PTPRD: variants seen among roughly 807,000 people sequenced by gnomAD.
PTPRD encodes the protein receptor-type tyrosine-protein phosphatase delta.
A neutral mutation model predicts 214.5 loss-of-function variants in PTPRD; 34 were observed. The observed-to-expected ratio is 0.16, with a 90% CI of 0.12 to 0.21. The LOEUF (loss-of-function observed/expected upper bound fraction) is 0.21. Ranked by LOEUF, PTPRD falls within the 10% of genes least tolerant of loss-of-function variation. PTPRD has a pLI of 1.00. For missense variants in PTPRD, 2,545 were observed against 2,398.7 expected (o/e 1.06, Z -1.27); for synonymous variants, 1,128 against 845.7 (o/e 1.33, Z -5.79).
chr9:10,074,295 T>C (rs1163277144), intron 3 of PTPRD, among the ~76,000 whole-genome samples: 1 of 152,110 alleles, frequency 6.6e-6, no homozygotes, highest in Admixed American at 6.6e-5. Context: ...TTTAGATAAC[T>C]ATAATATCCA....
At chr9:10,103,377 T>TTATATATA (rs1185795827) in intron 3 of PTPRD, among the ~76,000 whole-genome samples, 1 of 72,424 alleles carries the variant, frequency 1.4e-5, no homozygotes, top group South Asian at 3.2e-4. Context: ...AAACTGCATA[T>TTATATATA]TATATATATA....
At position 8,919,929 on chromosome 9, in the gene PTPRD, T is replaced by C. The variant is rs142533827; in HGVS notation, c.-104+98768A>G. Among the ~76,000 whole-genome samples, 1,161 of 128,996 alleles carry C rather than the reference T, an allele frequency of 9.0e-3. 19 individuals carry two copies. Among genetic ancestry groups the C allele is most frequent in the African/African-American group, 0.026 (1,050 of 39,916 alleles). The allele number at this position is 128,996 out of a possible 152,430, so 84.6% of individuals were successfully genotyped here. A position where few individuals can be genotyped will look rare whatever the true frequency, so the allele number is the denominator to read the frequency against. On this transcript the variant is annotated intron_variant, in intron 11 of 45. Coordinates refer to ENST00000381196, the MANE Select transcript of PTPRD (RefSeq NM_002839.4). ...GTATGCATAAGTGGATGCATGTGCATGCATGTATGCATGTACACATGTATG... is the reference window on the plus strand; with the variant it reads ...GTATGCATAAGTGGATGCATGTGCACGCATGTATGCATGTACACATGTATG...
intron 3 of PTPRD, among the ~76,000 whole-genome samples, chr9:10,134,044 CCA>C (rs2098923692): frequency 6.6e-6 from 1 of 152,034 alleles, no homozygotes; most frequent in Non-Finnish European, 1.5e-5. Context: ...GTCTCCACAG[CCA>C]TCTACTGAGC....
chr9:9,547,120 C>T (rs2078986795), intron 8 of PTPRD, among the ~76,000 whole-genome samples: 2 of 151,982 alleles, frequency 1.3e-5, no homozygotes, highest in South Asian at 4.1e-4. Flanking sequence ...GCACAAATGC[C>T]ATACCAAACT....
At chr9:8,400,515 A>C (rs75067866) in intron 36 of PTPRD, among the ~76,000 whole-genome samples, 1 of 152,314 alleles carries the variant, frequency 6.6e-6, no homozygotes, top group Non-Finnish European at 1.5e-5. Context: ...CTAAAACCTA[A>C]TATTTATGTT....
rs761564011 is a variant in PTPRD, at chr9:8,891,137, A to AT, written c.-104+127559dup. ...AACTTCTGTGCTTTGAATTAATCTA[A>AT]TTTTTTTTTTTTTTGAGACTGAGTC... On this transcript the variant is annotated intron_variant, in intron 11 of 45. Transcript: ENST00000381196. 1.7e-3 allele frequency among the ~76,000 whole-genome samples: 215 copies of AT among 123,572 alleles called. 8 individuals carry two copies. Among genetic ancestry groups the AT allele is most frequent in the Middle Eastern group, 4.5e-3 (1 of 220 alleles). 81.1% of individuals were successfully genotyped at this position (123,572 alleles called of 152,430 possible).
intron 7 of PTPRD, among the ~76,000 whole-genome samples, chr9:9,693,461 A>C (rs2097311729): frequency 6.6e-6 from 1 of 152,104 alleles, no homozygotes; most frequent in Non-Finnish European, 1.5e-5. Context: ...TCCCCCCGCC[A>C]TGTGCAACTA....
chr9:9,832,389 TAA>T (rs2055176496), intron 5 of PTPRD, among the ~76,000 whole-genome samples: 7 of 152,012 alleles, frequency 4.6e-5, no homozygotes, highest in Non-Finnish European at 8.8e-5. Flanking sequence ...AAATAATAGA[TAA>T]TTCATTAAAG....
rs147561632 is a variant in PTPRD at position 9,474,174 on chromosome 9, A to G, written c.-236-76692T>C. On this transcript the variant is annotated intron_variant, in intron 8 of 45. Coordinates refer to ENST00000381196, the MANE Select transcript of PTPRD (RefSeq NM_002839.4). ...GGGGTTTAATTTCATTCTGCTGCAT[A>G]TGGATATCCAGTTTTCCAGCACCAT... Among the ~76,000 whole-genome samples the G allele has an allele frequency of 6.4e-3, 979 of 152,174 alleles. 4 individuals are homozygous for G. Among genetic ancestry groups the G allele is most frequent in the African/African-American group, 0.023 (947 of 41,566 alleles).
At chr9:9,316,045 G>A (rs1962829244) in intron 9 of PTPRD, among the ~76,000 whole-genome samples, 1 of 151,716 alleles carries the variant, frequency 6.6e-6, no homozygotes, top group Non-Finnish European at 1.5e-5. Context: ...TATGTTTAGT[G>A]CACATGCCTG....
At chr9:9,615,553 T>C (rs1278576969) in intron 7 of PTPRD, among the ~76,000 whole-genome samples, 2 of 152,176 alleles carry the variant, frequency 1.3e-5, no homozygotes, top group African/African-American at 2.4e-5. Flanking sequence ...ACATTTACCA[T>C]AGTTTGTTTG....
At chr9:9,221,491 G>A (rs1168199461) in intron 9 of PTPRD, among the ~76,000 whole-genome samples, 1 of 152,050 alleles carries the variant, frequency 6.6e-6, no homozygotes, top group African/African-American at 2.4e-5. Flanking sequence ...CTGGAGGCTG[G>A]GAAGCCTGAG....
At chr9:8,344,305 A>T (rs957908725) in intron 39 of PTPRD, among the ~76,000 whole-genome samples, 2 of 152,052 alleles carry the variant, frequency 1.3e-5, no homozygotes, top group South Asian at 4.1e-4. Flanking sequence ...TAATGGCAGG[A>T]CTATTTTCTC....
chr9:10,175,001 TA>T (rs2099238131), intron 3 of PTPRD, among the ~76,000 whole-genome samples: 1 of 152,074 alleles, frequency 6.6e-6, no homozygotes, highest in Non-Finnish European at 1.5e-5. Context: ...ATACATTTCT[TA>T]AAATAACCCA....
chr9:10,325,324 T>C (rs1233356854), intron 3 of PTPRD, among the ~76,000 whole-genome samples: 1 of 151,974 alleles, frequency 6.6e-6, no homozygotes, highest in African/African-American at 2.4e-5. Flanking sequence ...TTAAAAACGT[T>C]TTAATGTTCT....
chr9:9,730,189 G>T (rs114376512), intron 7 of PTPRD, among the ~76,000 whole-genome samples: 1 of 151,958 alleles, frequency 6.6e-6, no homozygotes, highest in African/African-American at 2.4e-5. Context: ...TACTACATTT[G>T]AATTAATTTG....
chr9:9,554,938 C>T (rs1354792264), intron 8 of PTPRD, among the ~76,000 whole-genome samples: 1 of 152,000 alleles, frequency 6.6e-6, no homozygotes, highest in African/African-American at 2.4e-5. Context: ...GCTTATACGT[C>T]TACATATTCT....
intron 4 of PTPRD, among the ~76,000 whole-genome samples, chr9:9,957,033 A>T (rs2093982668): frequency 6.6e-6 from 1 of 152,196 alleles, no homozygotes; most frequent in Non-Finnish European, 1.5e-5. Flanking sequence ...TGAAATTTGG[A>T]GTTGAGAACT....
chr9:8,885,000 A>C (rs2098475041), intron 11 of PTPRD, among the ~76,000 whole-genome samples: 1 of 152,188 alleles, frequency 6.6e-6, no homozygotes, highest in Non-Finnish European at 1.5e-5. Flanking sequence ...CAACGTAGAA[A>C]TTTAGTGCTT....
Sources: gnomAD v4.1 joint callset for allele counts (sites outside exome capture counted in the v4.1 genomes callset) on GRCh38, gnomAD v4.1.1 for gene constraint, MANE v1.5 for transcripts, NCBI Gene and HGNC (gene_info 2026-07-23, HGNC 2026-07-21) for gene names.